The following BPIFB4 variants were observed in gnomAD, a reference collection of about 807,000 sequenced individuals.
BPIFB4 encodes the protein BPI fold containing family B member 4, also known as BPI fold-containing family B member 4.
In BPIFB4, 62 loss-of-function variants were observed where a neutral mutation model predicts 69.2. That is an observed-to-expected ratio of 0.90 (90% CI 0.73 to 1.11). The LOEUF (loss-of-function observed/expected upper bound fraction) is 1.11, where lower values mean the gene tolerates loss of function less well. Ranked by LOEUF, BPIFB4 falls within the 50% of genes least tolerant of loss-of-function variation. The pLI, the probability that BPIFB4 is intolerant of heterozygous loss-of-function variation, is 0.00. For missense variants in BPIFB4, 789 were observed against 792.0 expected (o/e 1.00, Z 0.04); for synonymous variants, 330 against 332.7 (o/e 0.99, Z 0.09).
At chr20:33,110,774 G>T in intron 17 of BPIFB4, among the ~76,000 whole-genome samples, 1 of 144,382 alleles carries the variant, frequency 6.9e-6, no homozygotes. Flanking sequence ...TTTGGTCTAT[G>T]GGTTATCATC....
chr20:33,089,822 G>A (rs1981547979), intron 9 of BPIFB4, among the ~76,000 whole-genome samples: 1 of 152,214 alleles, frequency 6.6e-6, no homozygotes. Context: ...TCAGGGGTCT[G>A]GGAGGTAATG....
intron 9 of BPIFB4, 103 bp downstream of exon 9, chr20:33,089,661 C>T: frequency 6.4e-7 from 1 of 1,573,634 alleles, no homozygotes; most frequent in East Asian, 2.3e-5. Context: ...TGCCCTTAGG[C>T]CCTTGAAGTG....
chr20:33,107,617 C>G (rs887748581), intron 16 of BPIFB4, 127 bp from the exon 17 acceptor site: 1 of 668,376 alleles, frequency 1.5e-6, no homozygotes, highest in Non-Finnish European at 2.6e-6. Flanking sequence ...GCCTGGGCAA[C>G]AGAGCGAGAC....
chr20:33,100,351 C>A, intron 13 of BPIFB4, 75 bp from the exon 14 acceptor site: 1 of 1,297,988 alleles, frequency 7.7e-7, no homozygotes. Flanking sequence ...TAGCACTGGG[C>A]ACACAATGAG....
At chr20:33,099,063 A>C (rs546332963) in intron 13 of BPIFB4, among the ~76,000 whole-genome samples, 443 of 151,140 alleles carry the variant, frequency 2.9e-3, no homozygotes, top group Non-Finnish European at 5.5e-3. Flanking sequence ...AGGGCCCAGC[A>C]CACAGTAGAT....
At position 33,100,500 on chromosome 20, in the gene BPIFB4, G is replaced by C; in HGVS notation, c.1637+7G>C. 1 of 1,606,552 alleles carries C rather than the reference G, an allele frequency of 6.2e-7. No individual in the cohort carries two copies. On this transcript the variant is annotated splice_region_variant and intron_variant, in intron 14 of 17. Coordinates refer to ENST00000375483, the MANE Select transcript of BPIFB4 (RefSeq NM_182519.3). ...TTGATGCCAAGCTGGAGAAGTAAGG[G>C]GCTATGCTGCCTTGGGGTCCTGACG...
In BPIFB4 at chr20:33,086,036, G is replaced by A. The variant is rs745984159; in HGVS notation, c.798G>A (p.Leu266=). The A allele has an allele frequency of 3.7e-6, 6 of 1,609,402 alleles. No individual in the cohort carries two copies. The South Asian group carries it at 6.6e-5, about 18-fold the overall frequency. ...CCTCCTCCAGTCTTATTGGCTTCCT[G>A]GACATCGCAGTAGAAGTGAACATCA... ...AINGKSLIGF[L]DIAVEVNITA... Residue 266 remains leucine (L), a synonymous_variant, in exon 7 of 18, where the codon CTG becomes CTA. Coordinates refer to ENST00000375483, the MANE Select transcript of BPIFB4 (RefSeq NM_182519.3).
chr20:33,086,029 G>C lies in BPIFB4; in HGVS notation c.791G>C (p.Gly264Ala). 6.2e-7 allele frequency: 1 copy of C among 1,608,040 alleles called. No homozygotes were observed. Among genetic ancestry groups the C allele is most frequent in the Non-Finnish European group, 8.5e-7 (1 of 1,175,030 alleles). ...RVAINGKSLI[G>A]FLDIAVEVNI... The stretch of plus-strand genomic sequence containing the variant: ...CCCTTGGCCTCCTCCAGTCTTATTG[G>C]CTTCCTGGACATCGCAGTAGAAGTG... Residue 264 changes from glycine (G) to alanine (A), a missense_variant, in exon 7 of 18, where the codon GGC (glycine) becomes GCC (alanine). Coordinates refer to ENST00000375483, the MANE Select transcript of BPIFB4 (RefSeq NM_182519.3).
At position 33,102,180 on chromosome 20, in the gene BPIFB4, C is replaced by T. The variant is rs146106034; in HGVS notation, c.1638-792C>T. Among the ~76,000 whole-genome samples, 74 of 152,290 alleles carry T rather than the reference C, an allele frequency of 4.9e-4. 1 individual carries two copies. Among genetic ancestry groups the T allele is most frequent in the African/African-American group, 1.6e-3 (68 of 41,564 alleles). ...AAAAGGGCACGGATACTGTGGGGTGCGGTGCCTGAGAGGGAGAGAGGCTGG... is the reference window on the plus strand; with the variant it reads ...AAAAGGGCACGGATACTGTGGGGTGTGGTGCCTGAGAGGGAGAGAGGCTGG... On this transcript the variant is annotated intron_variant, in intron 14 of 17. Coordinates refer to ENST00000375483, the MANE Select transcript of BPIFB4 (RefSeq NM_182519.3).
intron 5 of BPIFB4, among the ~76,000 whole-genome samples, 167 bp downstream of exon 5, chr20:33,084,041 G>A (rs567493847): frequency 7.9e-5 from 12 of 152,248 alleles, no homozygotes; most frequent in South Asian, 4.1e-4. Context: ...CATGGTTTGG[G>A]TCTTGGCATG....
chr20:33,104,357 A>G (rs1981985593), intron 15 of BPIFB4, among the ~76,000 whole-genome samples: 1 of 152,198 alleles, frequency 6.6e-6, no homozygotes, highest in Admixed American at 6.5e-5. Context: ...CCCATTTTAC[A>G]GCTGAGGAAG....
At position 33,088,972 on chromosome 20, in the gene BPIFB4, C is replaced by G; in HGVS notation, c.933C>G (p.Leu311=). Residue 311 remains leucine (L), a synonymous_variant, in exon 8 of 18, where the codon CTC becomes CTG. Coordinates refer to ENST00000375483, the MANE Select transcript of BPIFB4 (RefSeq NM_182519.3). ...GIKVKLLRGL[L]PNLVDNLVNR... is the part of the protein sequence containing the mutation. Reference sequence around the variant, plus strand: ...CCTGCTCCTGTCTCCTTAGGCTTCTCCCCAATCTCGTGGACAATTTAGTGA... The same window carrying G: ...CCTGCTCCTGTCTCCTTAGGCTTCTGCCCAATCTCGTGGACAATTTAGTGA... 6.2e-7 allele frequency: 1 copy of G among 1,613,858 alleles called. No homozygotes were observed. Among genetic ancestry groups the G allele is most frequent in the Non-Finnish European group, 8.5e-7 (1 of 1,179,798 alleles).
Position 33,103,480 on chromosome 20 carries a change from G to GC in BPIFB4, c.1680+470dup, listed in dbSNP as rs1188286190. ...GAGTTCATTTCTAACCTCCCTTCTT[G>GC]CCCCTGGGTTGTGGAATTCTGCTTT... On this transcript the variant is annotated intron_variant, in intron 15 of 17. Transcript: ENST00000375483. Among the ~76,000 whole-genome samples, 4 of 152,264 alleles carry GC rather than the reference G, an allele frequency of 2.6e-5. No individual in the cohort carries two copies. The East Asian group carries it at 7.7e-4, about 29-fold the overall frequency.
chr20:33,103,055 A>C (rs1981950938), intron 15 of BPIFB4, 41 bp downstream of exon 15: 1 of 1,597,466 alleles, frequency 6.3e-7, no homozygotes, highest in African/African-American at 1.3e-5. Flanking sequence ...ATCTTCTGGG[A>C]AGGAGCCCAG....
chr20:33,089,591 A>G (rs1198267733), intron 9 of BPIFB4, 33 bp downstream of exon 9: 37 of 1,614,026 alleles, frequency 2.3e-5, no homozygotes, highest in Non-Finnish European at 3.1e-5. Flanking sequence ...AGCCTGGGGA[A>G]GGCACTGAGG....
chr20:33,086,313 T>A, intron 7 of BPIFB4, 149 bp downstream of exon 7: 1 of 1,084,946 alleles, frequency 9.2e-7, no homozygotes, highest in Admixed American at 2.3e-5. Flanking sequence ...CTGAGCCAGC[T>A]GTACTCTCAC....
intron 17 of BPIFB4, 37 bp from the exon 18 acceptor site, chr20:33,111,377 C>A (rs776676713): frequency 6.2e-7 from 1 of 1,613,802 alleles, no homozygotes; most frequent in Non-Finnish European, 8.5e-7. Flanking sequence ...CCAGAGCCAC[C>A]CCACCCATCA....
chr20:33,090,934 C>G, intron 10 of BPIFB4, 135 bp downstream of exon 10: 5 of 1,035,770 alleles, frequency 4.8e-6, no homozygotes, highest in Non-Finnish European at 7.0e-6. Flanking sequence ...TAGAAGAAGG[C>G]CTTCTAAGAG....
At chr20:33,098,438 G>A (rs181284602) in intron 13 of BPIFB4, among the ~76,000 whole-genome samples, 105 of 152,196 alleles carry the variant, frequency 6.9e-4, no homozygotes, top group Admixed American at 1.2e-3. Context: ...TTCATAGAAA[G>A]GAATCCTCTT....
Sources: gnomAD v4.1 joint callset for allele counts (sites outside exome capture counted in the v4.1 genomes callset) on GRCh38, gnomAD v4.1.1 for gene constraint, MANE v1.5 for transcripts, NCBI Gene and HGNC (gene_info 2026-07-23, HGNC 2026-07-21) for gene names.